The following MEIS1 variants were observed in gnomAD, a reference collection of about 807,000 sequenced individuals.
MEIS1 encodes the protein homeobox protein Meis1.
Under a neutral mutation model 50.8 loss-of-function variants are expected in MEIS1, and 5 were observed. The ratio of observed to expected loss-of-function variants is 0.10; its 90% CI spans 0.05 to 0.21. The LOEUF (loss-of-function observed/expected upper bound fraction) is 0.21. MEIS1 is among the 10% of genes least tolerant of loss of function. The probability of loss-of-function intolerance (pLI) is 1.00; values close to 1 mark genes in which losing one functional copy is unlikely to be tolerated. For synonymous variants in MEIS1, 176 were observed against 179.3 expected, an observed-to-expected ratio of 0.98 and a Z score of 0.15; for missense variants, 318 against 517.3, an observed-to-expected ratio of 0.61 and a Z score of 3.74.
chr2:66,440,710 C>A, intron 4 of MEIS1, 98 bp downstream of exon 4: 2 of 789,372 alleles, frequency 2.5e-6, no homozygotes, highest in Non-Finnish European at 4.1e-6. Context: ...GATTTCTAGA[C>A]CGGTCTTCCC....
In MEIS1 at chr2:66,498,746, A is replaced by G. The variant is rs574530838; in HGVS notation, c.743-13403A>G. On this transcript the variant is annotated intron_variant, in intron 7 of 12. Transcript: ENST00000272369. ...TTCATGTGCACCCAGCACACTTTCTAGCTTTATTTGCCTGGAGGGGAAGAT... is the reference window on the plus strand; with the variant it reads ...TTCATGTGCACCCAGCACACTTTCTGGCTTTATTTGCCTGGAGGGGAAGAT... Among the ~76,000 whole-genome samples, 31 of 152,190 alleles carry G rather than the reference A, an allele frequency of 2.0e-4. No homozygotes were observed. The South Asian group carries it at 6.5e-3, about 32-fold the overall frequency.
intron 7 of MEIS1, among the ~76,000 whole-genome samples, chr2:66,469,959 CAT>C (rs1327901206): frequency 1.3e-5 from 2 of 151,644 alleles, no homozygotes; most frequent in East Asian, 1.9e-4. Context: ...AAAAATCTAA[CAT>C]ATTTTACAAA....
At chr2:66,468,023 T>C (rs6741943) in intron 7 of MEIS1, among the ~76,000 whole-genome samples, 1 of 152,014 alleles carries the variant, frequency 6.6e-6, no homozygotes, top group Non-Finnish European at 1.5e-5. Context: ...TCACAGGAGA[T>C]AGAAGTAATA....
intron 8 of MEIS1, among the ~76,000 whole-genome samples, chr2:66,528,684 G>A (rs1043355751): frequency 1.6e-4 from 25 of 152,084 alleles, no homozygotes; most frequent in African/African-American, 5.6e-4. Context: ...AGCTTTCTCC[G>A]TTCGTTCCCC....
intron 8 of MEIS1, among the ~76,000 whole-genome samples, chr2:66,541,770 T>C (rs1484908393): frequency 6.6e-6 from 1 of 152,206 alleles, no homozygotes; most frequent in African/African-American, 2.4e-5. Flanking sequence ...CACCCTTCCT[T>C]CTTTTGATTC....
chr2:66,516,134 T>C (rs1402979453), intron 8 of MEIS1, among the ~76,000 whole-genome samples: 1 of 152,212 alleles, frequency 6.6e-6, no homozygotes, highest in African/African-American at 2.4e-5. Context: ...GTCTCTTTTC[T>C]TTTTTGTTTT....
intron 8 of MEIS1, among the ~76,000 whole-genome samples, chr2:66,526,113 A>G (rs1018288411): frequency 6.6e-6 from 1 of 152,226 alleles, no homozygotes; most frequent in Non-Finnish European, 1.5e-5. Context: ...CCTGGAAGGA[A>G]GGTGAATTTG....
intron 6 of MEIS1, among the ~76,000 whole-genome samples, chr2:66,444,058 A>T (rs533818815): frequency 6.6e-6 from 1 of 152,304 alleles, no homozygotes; most frequent in South Asian, 2.1e-4. Flanking sequence ...GCAAAAATGC[A>T]ATGAAAGTGA....
Position 66,571,378 on chromosome 2 carries a change from C to A in MEIS1, c.*170C>A. 6.2e-7 allele frequency: 1 copy of A among 1,603,056 alleles called. No homozygotes were observed. The highest frequency in any genetic ancestry group is 8.5e-7 in the Non-Finnish European group (1 of 1,174,968). ...CTGCGTCATGGGCCCCCCATGCATACGTACATTCCTGGACACCCTCACCAC... is the reference window on the plus strand; with the variant it reads ...CTGCGTCATGGGCCCCCCATGCATAAGTACATTCCTGGACACCCTCACCAC... On this transcript the variant is annotated 3_prime_UTR_variant, in exon 13 of 13. Transcript: ENST00000272369.
At chr2:66,513,767 A>G (rs1673889155) in intron 8 of MEIS1, among the ~76,000 whole-genome samples, 1 of 152,220 alleles carries the variant, frequency 6.6e-6, no homozygotes, top group South Asian at 2.1e-4. Flanking sequence ...AGGTTTACCT[A>G]GAATCTGATT....
chr2:66,538,242 G>C (rs1674566567), intron 8 of MEIS1, among the ~76,000 whole-genome samples: 1 of 152,186 alleles, frequency 6.6e-6, no homozygotes, highest in African/African-American at 2.4e-5. Flanking sequence ...TGACTACTTA[G>C]AGTCAAATCC....
At chr2:66,440,784 G>T in intron 4 of MEIS1, 172 bp downstream of exon 4, 1 of 578,514 alleles carries the variant, frequency 1.7e-6, no homozygotes, top group Non-Finnish European at 3.1e-6. Flanking sequence ...AAGATCCCGG[G>T]GAAATAAATT....
chr2:66,564,785 C>T (rs1675300317), intron 9 of MEIS1, among the ~76,000 whole-genome samples: 1 of 151,310 alleles, frequency 6.6e-6, no homozygotes, highest in Admixed American at 6.6e-5. Context: ...AGGTTTGTTA[C>T]ATATGTATAC....
intron 7 of MEIS1, among the ~76,000 whole-genome samples, chr2:66,500,568 G>A (rs1673528934): frequency 6.6e-6 from 1 of 152,080 alleles, no homozygotes. Flanking sequence ...GGGATTACAG[G>A]CATGCATCAC....
chr2:66,466,941 T>TAA (rs397944047), intron 7 of MEIS1, among the ~76,000 whole-genome samples: 2,109 of 130,450 alleles, frequency 0.016, 45 homozygotes, highest in Admixed American at 0.061. Context: ...CACCTGTGGT[T>TAA]AAAAAAAAAA....
chr2:66,444,345 T>C (rs910876416), intron 6 of MEIS1, among the ~76,000 whole-genome samples: 21 of 152,240 alleles, frequency 1.4e-4, no homozygotes, highest in Non-Finnish European at 3.1e-4. Context: ...ACAGTCCTTG[T>C]CGAGCGCCTG....
Position 66,571,743 on chromosome 2 carries a change from A to C in MEIS1, c.*535A>C. ...AGACATTAAGAGAACAAAGAGTGAAATATTGTAAATGCTATTATACTGTTA... is the reference window on the plus strand; with the variant it reads ...AGACATTAAGAGAACAAAGAGTGAACTATTGTAAATGCTATTATACTGTTA... On this transcript the variant is annotated 3_prime_UTR_variant, in exon 13 of 13. Transcript: ENST00000272369. 2 of 569,988 alleles carry C rather than the reference A, an allele frequency of 3.5e-6. No individual in the cohort carries two copies. The highest frequency in any genetic ancestry group is 3.4e-5 in the Admixed American group (1 of 29,650). 35.3% of individuals were successfully genotyped at this position (569,988 alleles called of 1,614,324 possible).
At chr2:66,464,241 T>G in intron 7 of MEIS1, 21 bp downstream of exon 7, 3 of 1,531,534 alleles carry the variant, frequency 2.0e-6, no homozygotes, top group Non-Finnish European at 2.7e-6. Flanking sequence ...TGTTATTCTC[T>G]TTTGCTACTT....
intron 8 of MEIS1, among the ~76,000 whole-genome samples, chr2:66,535,115 A>C (rs1192223452): frequency 6.6e-6 from 1 of 152,172 alleles, no homozygotes; most frequent in Non-Finnish European, 1.5e-5. Flanking sequence ...TTAACAAGAT[A>C]AACTTTGAGC....
Sources: gnomAD v4.1 joint callset for allele counts (sites outside exome capture counted in the v4.1 genomes callset) on GRCh38, gnomAD v4.1.1 for gene constraint, MANE v1.5 for transcripts, NCBI Gene and HGNC (gene_info 2026-07-23, HGNC 2026-07-21) for gene names.